IGF1R: variants seen among roughly 807,000 people sequenced by gnomAD.
The protein encoded by IGF1R is insulin like growth factor 1 receptor.
In IGF1R, 44 loss-of-function variants were observed where a neutral mutation model predicts 144.6. The observed-to-expected ratio is 0.30, with a 90% CI of 0.24 to 0.39. IGF1R has a LOEUF of 0.39. IGF1R is among the 10% of genes least tolerant of loss of function. The probability of loss-of-function intolerance (pLI) is 1.00; values close to 1 mark genes in which losing one functional copy is unlikely to be tolerated. For synonymous variants in IGF1R, 795 were observed against 722.8 expected (o/e 1.10, Z -1.60); for missense variants, 1,355 against 1,833.7 (o/e 0.74, Z 4.77).
At chr15:98,776,558 G>A (rs2055721066) in intron 2 of IGF1R, among the ~76,000 whole-genome samples, 1 of 152,152 alleles carries the variant, frequency 6.6e-6, no homozygotes, top group Non-Finnish European at 1.5e-5. Flanking sequence ...GATTTTGTCA[G>A]CATTATTTTT....
At chr15:98,922,126 C>T in intron 10 of IGF1R, 22 bp from the exon 11 acceptor site, 1 of 1,613,898 alleles carries the variant, frequency 6.2e-7, no homozygotes. Context: ...ACTTAAAAGC[C>T]ACATTTCTCT....
At chr15:98,918,056 AT>A (rs79016083) in intron 10 of IGF1R, among the ~76,000 whole-genome samples, 2 of 151,754 alleles carry the variant, frequency 1.3e-5, no homozygotes, top group African/African-American at 4.8e-5. Flanking sequence ...ATGTTAAACA[AT>A]TTTTTTTTCC....
At chr15:98,942,031 A>T (rs1457130922) in intron 18 of IGF1R, among the ~76,000 whole-genome samples, 1 of 152,194 alleles carries the variant, frequency 6.6e-6, no homozygotes, top group Non-Finnish European at 1.5e-5. Flanking sequence ...AATGAGTGGG[A>T]GGATTATGTT....
intron 1 of IGF1R, among the ~76,000 whole-genome samples, chr15:98,652,933 C>CTT (rs1567058494): frequency 2.4e-5 from 3 of 123,156 alleles, no homozygotes; most frequent in East Asian, 4.5e-4. Context: ...CTCAATAAAC[C>CTT]CTTTTTTTTT....
intron 2 of IGF1R, among the ~76,000 whole-genome samples, chr15:98,740,195 A>G (rs2054705979): frequency 6.6e-6 from 1 of 152,230 alleles, no homozygotes. Context: ...ATGCCTTAGC[A>G]TTCCTTCATT....
At chr15:98,828,312 C>T (rs1281777939) in intron 2 of IGF1R, among the ~76,000 whole-genome samples, 1 of 152,066 alleles carries the variant, frequency 6.6e-6, no homozygotes, top group Non-Finnish European at 1.5e-5. Flanking sequence ...AGTTCAGCTC[C>T]AGCCAAAAAC....
chr15:98,728,864 C>G (rs1475154331), intron 2 of IGF1R, among the ~76,000 whole-genome samples: 3 of 152,234 alleles, frequency 2.0e-5, no homozygotes, highest in African/African-American at 7.2e-5. Context: ...TCAGACAGAT[C>G]TGGCTTAAAA....
Position 98,707,656 on chromosome 15 carries a change from C to T in IGF1R, c.189C>T (p.Leu63=), listed in dbSNP as rs149417802. The T allele has an allele frequency of 5.9e-5, 96 of 1,614,028 alleles. No homozygotes were observed. Among genetic ancestry groups the T allele is most frequent in the Middle Eastern group, 4.9e-4 (3 of 6,084 alleles). Residue 63 remains leucine (L), a synonymous_variant, in exon 2 of 21, where the codon CTC becomes CTT. Coordinates refer to ENST00000650285, the MANE Select transcript of IGF1R (RefSeq NM_000875.5). This position sits in a 1 kb window ranked among gnomAD's most constrained non-coding sequence, Gnocchi z 6.7. ...TCGAGGGCTACCTCCACATCCTGCT[C>T]ATCTCCAAGGCCGAGGACTACCGCA... The part of the protein sequence containing the change: ...TVIEGYLHIL[L]ISKAEDYRSY...
intron 2 of IGF1R, among the ~76,000 whole-genome samples, chr15:98,852,290 T>C (rs1459841298): frequency 6.6e-6 from 1 of 152,052 alleles, no homozygotes; most frequent in East Asian, 1.9e-4. Context: ...AGGCTCCTTT[T>C]GTCTGGCGCG....
intron 2 of IGF1R, among the ~76,000 whole-genome samples, chr15:98,862,097 CTG>C (rs1445542372): frequency 3.3e-5 from 5 of 152,230 alleles, no homozygotes; most frequent in African/African-American, 1.2e-4. Flanking sequence ...GATCAGGAAA[CTG>C]TAGGGCTTAT....
chr15:98,691,375 T>TG (rs2053472701), intron 1 of IGF1R, among the ~76,000 whole-genome samples: 1 of 151,276 alleles, frequency 6.6e-6, no homozygotes, highest in African/African-American at 2.4e-5. Flanking sequence ...TTGTTTTTTT[T>TG]TTTTTTTGAG....
chr15:98,911,663 GA>G (rs1184853614), intron 7 of IGF1R, among the ~76,000 whole-genome samples: 1 of 152,160 alleles, frequency 6.6e-6, no homozygotes, highest in African/African-American at 2.4e-5. Context: ...GTGTTAGCTC[GA>G]GGCCTGTCAT....
At chr15:98,674,938 T>G (rs1017536643) in intron 1 of IGF1R, among the ~76,000 whole-genome samples, 1 of 151,242 alleles carries the variant, frequency 6.6e-6, no homozygotes, top group Admixed American at 6.6e-5. Context: ...TTATTAAAAT[T>G]AAAATTATTC....
chr15:98,653,215 A>G (rs2052411543), intron 1 of IGF1R, among the ~76,000 whole-genome samples: 1 of 152,188 alleles, frequency 6.6e-6, no homozygotes, highest in Non-Finnish European at 1.5e-5. Context: ...AAAAAACACA[A>G]ATGCTGGTGG....
chr15:98,657,566 C>A (rs1194132720), intron 1 of IGF1R, among the ~76,000 whole-genome samples: 1 of 152,162 alleles, frequency 6.6e-6, no homozygotes, highest in Non-Finnish European at 1.5e-5. Context: ...AACACAGAGA[C>A]CAGTAGCAGC....
At chr15:98,679,008 G>C (rs2141210410) in intron 1 of IGF1R, among the ~76,000 whole-genome samples, 1 of 146,230 alleles carries the variant, frequency 6.8e-6, no homozygotes, top group South Asian at 2.2e-4. Context: ...TGTAGCCCCA[G>C]CCCACTGGGC....
At chr15:98,665,569 A>C (rs1256131904) in intron 1 of IGF1R, among the ~76,000 whole-genome samples, 1 of 152,154 alleles carries the variant, frequency 6.6e-6, no homozygotes, top group African/African-American at 2.4e-5. Context: ...TGTGAGTGGG[A>C]CTATGTTTCC....
chr15:98,939,445 G>GGTTTTCTA (rs2151714469), intron 18 of IGF1R, 85 bp downstream of exon 18: 2 of 1,329,698 alleles, frequency 1.5e-6, no homozygotes, highest in South Asian at 2.4e-5. Flanking sequence ...CCCCTGGAGA[G>GGTTTTCTA]GTTTTCTAGT....
chr15:98,960,375 A>C lies in IGF1R; in HGVS notation c.*2933A>C. ...CTAGCCAGGTGGCCCTGTGAGGCCA[A>C]CGAGGGCACCAGAGCACACCTGGGG... On this transcript the variant is annotated 3_prime_UTR_variant, in exon 21 of 21. Coordinates refer to ENST00000650285, the MANE Select transcript of IGF1R (RefSeq NM_000875.5). 1 of 232,990 alleles carries C rather than the reference A, an allele frequency of 4.3e-6. No homozygotes were observed. The allele number at this position is 232,990 out of a possible 1,614,324, so 14.4% of individuals were successfully genotyped here.
Sources: gnomAD v4.1 joint callset for allele counts (sites outside exome capture counted in the v4.1 genomes callset) on GRCh38, gnomAD v4.1.1 for gene constraint, Gnocchi (gnomAD v3.1) non-coding constraint, MANE v1.5 for transcripts, NCBI Gene and HGNC (gene_info 2026-07-23, HGNC 2026-07-21) for gene names.